Variants in SLCO1B1 observed in about 807,000 individuals in gnomAD.
The protein encoded by SLCO1B1 is OATP-2.
SLCO1B1 carries 81 observed loss-of-function variants against 70.1 expected under a neutral mutation model. The ratio of observed to expected loss-of-function variants is 1.16; its 90% confidence interval spans 0.97 to 1.39. The LOEUF (loss-of-function observed/expected upper bound fraction) is 1.39, where lower values mean the gene tolerates loss of function less well. SLCO1B1 is among the 40% of genes most tolerant of loss of function. The probability of loss-of-function intolerance (pLI) is 0.00; values close to 1 mark genes in which losing one functional copy is unlikely to be tolerated. For missense variants in SLCO1B1, 895 were observed against 799.6 expected (o/e 1.12, Z -1.44); for synonymous variants, 283 against 271.5 (o/e 1.04, Z -0.42).
chr12:21,190,299 T>G (rs898977625), intron 7 of SLCO1B1, among the ~76,000 whole-genome samples: 1 of 152,208 alleles, frequency 6.6e-6, no homozygotes, highest in Non-Finnish European at 1.5e-5. Context: ...CTCCAGCCTT[T>G]CGGCATTATG....
chr12:21,191,331 C>T (rs1435259548), intron 7 of SLCO1B1, among the ~76,000 whole-genome samples: 1 of 152,006 alleles, frequency 6.6e-6, no homozygotes, highest in African/African-American at 2.4e-5. Context: ...GTATTTCATG[C>T]ACAAGTCTTT....
chr12:21,237,149 T>C (rs1444641557), intron 14 of SLCO1B1, among the ~76,000 whole-genome samples: 2 of 152,152 alleles, frequency 1.3e-5, no homozygotes, highest in African/African-American at 4.8e-5. Context: ...AACTAAATAG[T>C]CTATATGACT....
At chr12:21,158,345 A>G (rs1387039578) in intron 2 of SLCO1B1, among the ~76,000 whole-genome samples, 1 of 152,232 alleles carries the variant, frequency 6.6e-6, no homozygotes, top group African/African-American at 2.4e-5. Context: ...TAAATTTTTG[A>G]AACAAATCCA....
At chr12:21,212,889 C>CTAA (rs1206723148) in intron 11 of SLCO1B1, among the ~76,000 whole-genome samples, 1 of 152,042 alleles carries the variant, frequency 6.6e-6, no homozygotes, top group African/African-American at 2.4e-5. Context: ...ATTGCAACCC[C>CTAA]TAACTTTTTT....
intron 2 of SLCO1B1, among the ~76,000 whole-genome samples, chr12:21,144,107 A>G (rs1258720709): frequency 6.6e-6 from 1 of 152,104 alleles, no homozygotes; most frequent in South Asian, 2.1e-4. Flanking sequence ...TACACTTGTC[A>G]TTTCTTCTCT....
chr12:21,141,256 TCTATATTACTTACTTGTTTCAAATTTC>T (rs1940303352), intron 1 of SLCO1B1, among the ~76,000 whole-genome samples: 1 of 144,592 alleles, frequency 6.9e-6, no homozygotes, highest in Admixed American at 6.9e-5. Flanking sequence ...GGTGTGTGAT[TCTATATTACTTACTTGTTTCAAATTTC>T]TCTCCACAAA....
intron 8 of SLCO1B1, 83 bp from the exon 9 acceptor site, chr12:21,200,425 C>T: frequency 1.2e-6 from 1 of 859,968 alleles, no homozygotes; most frequent in Admixed American, 3.0e-5. Flanking sequence ...TTAAATCTTA[C>T]ATGACTTACG....
chr12:21,190,667 C>T (rs7306239), intron 7 of SLCO1B1, among the ~76,000 whole-genome samples: 4 of 152,042 alleles, frequency 2.6e-5, no homozygotes, highest in African/African-American at 9.7e-5. Flanking sequence ...CCCTCAGTCC[C>T]CTTCCATCTT....
chr12:21,218,781 A>T (rs1941390711), intron 12 of SLCO1B1, among the ~76,000 whole-genome samples: 1 of 152,204 alleles, frequency 6.6e-6, no homozygotes, highest in African/African-American at 2.4e-5. Context: ...TAACAATATC[A>T]TATCTGTTTC....
chr12:21,131,891 G>T (rs1195966805), intron 1 of SLCO1B1, among the ~76,000 whole-genome samples: 1 of 151,888 alleles, frequency 6.6e-6, no homozygotes, highest in Non-Finnish European at 1.5e-5. Context: ...CAACATGCAG[G>T]TTTGTTACAT....
intron 2 of SLCO1B1, among the ~76,000 whole-genome samples, chr12:21,153,754 T>C (rs1940503540): frequency 6.6e-6 from 1 of 152,062 alleles, no homozygotes; most frequent in Non-Finnish European, 1.5e-5. Context: ...ACTAAGTGCA[T>C]TATTATATAA....
chr12:21,167,136 C>CA (rs1429025579), intron 2 of SLCO1B1, among the ~76,000 whole-genome samples: 2 of 151,770 alleles, frequency 1.3e-5, no homozygotes, highest in African/African-American at 4.8e-5. Flanking sequence ...TGTTTGCCAC[C>CA]AAAAAACAAA....
chr12:21,144,752 A>G (rs111703662), intron 2 of SLCO1B1, among the ~76,000 whole-genome samples: 6 of 152,270 alleles, frequency 3.9e-5, no homozygotes, highest in South Asian at 2.1e-4. Flanking sequence ...GAGATTGGGG[A>G]CCTATTTTCA....
chr12:21,203,003 G>A (rs1941175741), intron 10 of SLCO1B1, among the ~76,000 whole-genome samples: 1 of 151,990 alleles, frequency 6.6e-6, no homozygotes, highest in South Asian at 2.1e-4. Context: ...GGATTACACA[G>A]CTAGCATTAT....
chr12:21,203,048 C>T (rs1012674656), intron 10 of SLCO1B1, among the ~76,000 whole-genome samples: 14 of 151,850 alleles, frequency 9.2e-5, no homozygotes, highest in African/African-American at 3.1e-4. Flanking sequence ...TTTTTAAGTC[C>T]AAAACTCTTA....
intron 1 of SLCO1B1, among the ~76,000 whole-genome samples, chr12:21,141,009 C>T (rs1168067018): frequency 1.3e-5 from 2 of 151,852 alleles, no homozygotes; most frequent in Non-Finnish European, 2.9e-5. Flanking sequence ...ATTCTGTTTG[C>T]TTTTTGAGCC....
At chr12:21,166,893 G>T (rs1166103009) in intron 2 of SLCO1B1, among the ~76,000 whole-genome samples, 1 of 152,090 alleles carries the variant, frequency 6.6e-6, no homozygotes, top group Non-Finnish European at 1.5e-5. Flanking sequence ...AGCAACCAAG[G>T]TGTCCTTCAA....
At chr12:21,220,826 A>G (rs200813063) in intron 12 of SLCO1B1, among the ~76,000 whole-genome samples, 27 of 149,726 alleles carry the variant, frequency 1.8e-4, no homozygotes, top group East Asian at 1.8e-3. Flanking sequence ...AAAAAAAAAA[A>G]AAAAGAAAAG....
chr12:21,223,472 G>A (rs187260756), intron 13 of SLCO1B1, among the ~76,000 whole-genome samples: 1 of 152,202 alleles, frequency 6.6e-6, no homozygotes, highest in East Asian at 1.9e-4. Flanking sequence ...TCAAATCAGT[G>A]GCATTATGTG....
Sources: allele counts gnomAD v4.1 joint callset (sites outside exome capture counted in the v4.1 genomes callset), GRCh38; gene constraint gnomAD v4.1.1; transcripts MANE v1.5; gene names NCBI Gene and HGNC (gene_info 2026-07-23, HGNC 2026-07-21).